Variants in STARD13 observed in about 807,000 individuals in gnomAD.
STARD13 encodes the protein StAR related lipid transfer domain containing 13.
STARD13 carries 62 observed loss-of-function variants against 106.4 expected under a neutral mutation model. The observed-to-expected ratio is 0.58, with a 90% CI of 0.48 to 0.72. The LOEUF is 0.72. Among genes scored for constraint, STARD13 ranks in the 30% least tolerant of loss-of-function variants. The probability of loss-of-function intolerance (pLI) is 0.00; values close to 1 mark genes in which losing one functional copy is unlikely to be tolerated. For synonymous variants in STARD13, 565 were observed against 553.0 expected, an observed-to-expected ratio of 1.02 and a Z score of -0.31; for missense variants, 1,387 against 1,424.0, an observed-to-expected ratio of 0.97 and a Z score of 0.42.
intron 1 of STARD13, among the ~76,000 whole-genome samples, chr13:33,331,708 G>A (rs2077838783): frequency 6.6e-6 from 1 of 151,962 alleles, no homozygotes; most frequent in African/African-American, 2.4e-5. Context: ...TAAGTTCCTT[G>A]AGTGTTAGTT....
At chr13:33,161,252 G>A (rs961373722) in intron 3 of STARD13, among the ~76,000 whole-genome samples, 1 of 151,872 alleles carries the variant, frequency 6.6e-6, no homozygotes, top group Non-Finnish European at 1.5e-5. Context: ...TAGAGTTTGG[G>A]AGTAGGAGTA....
chr13:33,312,621 A>T (rs1893183331), intron 1 of STARD13, among the ~76,000 whole-genome samples: 1 of 152,182 alleles, frequency 6.6e-6, no homozygotes, highest in African/African-American at 2.4e-5. Context: ...ATACTTTCTA[A>T]TATATATTAT....
chr13:33,323,888 C>T (rs771612828), intron 1 of STARD13, among the ~76,000 whole-genome samples: 14 of 152,102 alleles, frequency 9.2e-5, no homozygotes, highest in Non-Finnish European at 1.8e-4. Context: ...CTGAGGGAAA[C>T]AAAAACACGA....
chr13:33,660,237 CAGTA>C, the STARD13 span, among the ~76,000 whole-genome samples: 2 of 152,128 alleles, frequency 1.3e-5, no homozygotes, highest in Non-Finnish European at 2.9e-5. Context: ...ATGTCAATGA[CAGTA>C]AGTGAGATTC....
At chr13:33,209,915 G>C (rs1887626573) in intron 1 of STARD13, among the ~76,000 whole-genome samples, 1 of 152,214 alleles carries the variant, frequency 6.6e-6, no homozygotes, top group Non-Finnish European at 1.5e-5. Flanking sequence ...GGAGGCTGCA[G>C]TGAGCTGTGA....
At chr13:33,508,057 T>A in the STARD13 span, among the ~76,000 whole-genome samples, 1 of 152,098 alleles carries the variant, frequency 6.6e-6, no homozygotes, top group African/African-American at 2.4e-5. Flanking sequence ...CTAAAGTGTG[T>A]TTAGGTATCT....
At chr13:33,164,164 C>T (rs572440904) in intron 3 of STARD13, 11 of 151,990 alleles carry the variant, frequency 7.2e-5, no homozygotes, top group Non-Finnish European at 1.0e-4. Flanking sequence ...GTAAGCAAGC[C>T]CATAGTATTA....
chr13:33,544,768 CTCTTTTTTTT>C, the STARD13 span, among the ~76,000 whole-genome samples: 1 of 131,804 alleles, frequency 7.6e-6, no homozygotes, highest in African/African-American at 2.8e-5. Flanking sequence ...GTTGTTTTTT[CTCTTTTTTTT>C]TTTTTTTTTT....
At chr13:33,117,385 A>G (rs1375407362) in intron 8 of STARD13, among the ~76,000 whole-genome samples, 8 of 152,234 alleles carry the variant, frequency 5.3e-5, no homozygotes, top group African/African-American at 1.9e-4. Context: ...TGCTGGGATT[A>G]CAGGCGTGAG....
At chr13:33,351,534 T>C (rs2078079333), upstream of STARD13, among the ~76,000 whole-genome samples, 3 of 152,208 alleles carry the variant, frequency 2.0e-5, no homozygotes, top group Admixed American at 2.0e-4. Context: ...TGTCCTGCAG[T>C]TCACAAAGTT....
At chr13:33,526,158 G>A in the STARD13 span, among the ~76,000 whole-genome samples, 1 of 152,010 alleles carries the variant, frequency 6.6e-6, no homozygotes, top group Non-Finnish European at 1.5e-5. Flanking sequence ...AGCCACTGTG[G>A]CCGGCAATAA....
chr13:33,418,758 C>A, the STARD13 span, among the ~76,000 whole-genome samples: 2 of 152,168 alleles, frequency 1.3e-5, no homozygotes, highest in Non-Finnish European at 2.9e-5. Context: ...GATAAGCCTG[C>A]AATATTTGCT....
chr13:33,410,136 A>G, the STARD13 span, among the ~76,000 whole-genome samples: 24 of 152,366 alleles, frequency 1.6e-4, 2 homozygotes, highest in East Asian at 2.1e-3. Context: ...GCTTAATGCA[A>G]GCTTAATAAA....
At position 33,138,727 on chromosome 13, in the gene STARD13, C is replaced by T. The variant is rs1309379212; in HGVS notation, c.387+3583G>A. On this transcript the variant is annotated intron_variant, in intron 4 of 13. Transcript: ENST00000336934. ...TGCAGGCGGCAGAAGTGCTGGTGTC[C>T]TGTCTCCTGAAATGCTCTTGGCTGG... 2.4e-5 allele frequency: 9 copies of T among 374,568 alleles called. No individual in the cohort carries two copies. In the Admixed American group the frequency reaches 2.5e-4, roughly 10 times the overall value. The allele number at this position is 374,568 out of a possible 1,614,324, so 23.2% of individuals were successfully genotyped here.
At chr13:33,360,617 T>C in the STARD13 span, among the ~76,000 whole-genome samples, 1 of 147,528 alleles carries the variant, frequency 6.8e-6, no homozygotes, top group African/African-American at 2.5e-5. Flanking sequence ...AAATTACTTT[T>C]ATTATTTAAT....
At chr13:33,284,371 A>G (rs921743908) in intron 1 of STARD13, among the ~76,000 whole-genome samples, 10 of 152,138 alleles carry the variant, frequency 6.6e-5, no homozygotes, top group Non-Finnish European at 1.2e-4. Context: ...ACAAACCCCA[A>G]CTTCCTCTTT....
chr13:33,497,468 A>G, the STARD13 span, among the ~76,000 whole-genome samples: 1 of 152,160 alleles, frequency 6.6e-6, no homozygotes, highest in Non-Finnish European at 1.5e-5. Flanking sequence ...GTTTTCCAAG[A>G]TCATAAAAAT....
At chr13:33,415,720 A>G in the STARD13 span, among the ~76,000 whole-genome samples, 1 of 152,108 alleles carries the variant, frequency 6.6e-6, no homozygotes, top group Non-Finnish European at 1.5e-5. Context: ...TTAAAAATAA[A>G]GGCCAAAAGC....
intron 1 of STARD13, among the ~76,000 whole-genome samples, chr13:33,271,082 T>C (rs1234479692): frequency 6.6e-6 from 1 of 152,164 alleles, no homozygotes; most frequent in Admixed American, 6.5e-5. Flanking sequence ...ACACCAGAAG[T>C]TGGCAGAACA....
Sources: gnomAD v4.1 joint callset for allele counts (sites outside exome capture counted in the v4.1 genomes callset) on GRCh38, gnomAD v4.1.1 for gene constraint, MANE v1.5 for transcripts, NCBI Gene and HGNC (gene_info 2026-07-23, HGNC 2026-07-21) for gene names.